PTPRZ1: variants seen among roughly 807,000 people sequenced by gnomAD.
PTPRZ1 encodes the protein receptor-type tyrosine-protein phosphatase zeta.
PTPRZ1 carries 82 observed loss-of-function variants against 214.1 expected under a neutral mutation model. That is an observed-to-expected ratio of 0.38 (90% CI 0.32 to 0.46). The LOEUF is 0.46. Among genes scored for constraint, PTPRZ1 ranks in the 20% least tolerant of loss-of-function variants. PTPRZ1 has a pLI of 1.00. For missense variants in PTPRZ1, 2,603 were observed against 2,748.7 expected, an observed-to-expected ratio of 0.95 and a Z score of 1.19; for synonymous variants, 945 against 987.9, an observed-to-expected ratio of 0.96 and a Z score of 0.81.
intron 1 of PTPRZ1, among the ~76,000 whole-genome samples, chr7:121,885,296 G>A (rs568397828): frequency 2.6e-5 from 4 of 152,226 alleles, no homozygotes; most frequent in East Asian, 3.9e-4. Flanking sequence ...GCTATTTTGC[G>A]ACAAAGGTAA....
Position 121,929,519 on chromosome 7 carries a change from A to T in PTPRZ1, c.124+1298A>T, listed in dbSNP as rs1334243402. 4.4e-5 allele frequency among the ~76,000 whole-genome samples: 6 copies of T among 137,790 alleles called. No homozygotes were observed. In the South Asian group the frequency reaches 1.4e-3, roughly 33 times the overall value. 90.4% of individuals were successfully genotyped at this position (137,790 alleles called of 152,430 possible). A position where few individuals can be genotyped will look rare whatever the true frequency, so the allele number is the denominator to read the frequency against. ...ACCGAGTAGGAAAAAAAAAAAAAAA[A>T]CTTTCAAGCCAGGTGTGGTGGCTCA... On this transcript the variant is annotated intron_variant, in intron 2 of 29. Transcript: ENST00000393386.
chr7:122,058,973 C>G (rs1371333721), intron 28 of PTPRZ1, 31 bp downstream of exon 28: 1 of 1,530,802 alleles, frequency 6.5e-7, no homozygotes, highest in East Asian at 2.3e-5. Flanking sequence ...GGTTTCACAC[C>G]TGCACATTTT....
At chr7:121,946,101 T>C (rs1004796820) in intron 2 of PTPRZ1, among the ~76,000 whole-genome samples, 1 of 152,192 alleles carries the variant, frequency 6.6e-6, no homozygotes, top group African/African-American at 2.4e-5. Flanking sequence ...GTACTCATGC[T>C]CTGATCTGAG....
rs146192874 is a variant in PTPRZ1 at position 122,040,847 on chromosome 7, T to G, written c.5669T>G (p.Val1890Gly). The change falls in exon 21 of 30, where the codon GTG becomes GGG. Residue 1890 changes from valine (V) to glycine (G), a missense_variant. Physicochemically the swap from Val to Gly is moderately radical, Grantham distance 109. Transcript: ENST00000393386. ...CAGAAAGGAAGACCCAGTGGACGTG[T>G]GGTCACACAGTATCACTACACGCAG... The part of the protein sequence containing the change: ...GSQKGRPSGR[V>G]VTQYHYTQWP... 3.2e-6 allele frequency: 5 copies of G among 1,586,408 alleles called. No individual in the cohort carries two copies. The highest frequency in any genetic ancestry group is 4.3e-6 in the Non-Finnish European group (5 of 1,161,942).
chr7:122,042,813 A>G lies in PTPRZ1; in HGVS notation c.5937+70A>G, dbSNP rs548474986. On this transcript the variant is annotated intron_variant, in intron 22 of 29. Coordinates refer to ENST00000393386, the MANE Select transcript of PTPRZ1 (RefSeq NM_002851.3). Reference sequence around the variant, plus strand: ...ATGTCACTAAAATGTAGGTGTATTCATCTCCTAGGACTGCAAAACAAAGTA... The same window carrying G: ...ATGTCACTAAAATGTAGGTGTATTCGTCTCCTAGGACTGCAAAACAAAGTA... The G allele has an allele frequency of 1.7e-5, 25 of 1,496,184 alleles. No homozygotes were observed. The East Asian group carries it at 4.5e-4, about 27-fold the overall frequency. The allele number at this position is 1,496,184 out of a possible 1,614,324, so 92.7% of individuals were successfully genotyped here. A position where few individuals can be genotyped will look rare whatever the true frequency, so the allele number is the denominator to read the frequency against.
Position 122,011,015 on chromosome 7 carries a change from T to A in PTPRZ1, c.1969T>A (p.Ser657Thr), listed in dbSNP as rs1264398176. Residue 657 changes from serine (S) to threonine (T), a missense_variant, in exon 12 of 30, where the codon TCT becomes ACT. By Grantham distance (58) the Ser-to-Thr change is moderately conservative. Transcript: ENST00000393386. The stretch of plus-strand genomic sequence containing the variant: ...GGAGGGAAATGTGTGGTTTCCTAGC[T>A]CTACAGACATAACAGCACAGCCCGA... Reference protein sequence around the residue: ...SMEGNVWFPSSTDITAQPDVG... With the variant: ...SMEGNVWFPSTTDITAQPDVG... 6.2e-7 allele frequency: 1 copy of A among 1,614,118 alleles called. No individual in the cohort carries two copies. Among genetic ancestry groups the A allele is most frequent in the Admixed American group, 1.7e-5 (1 of 60,004 alleles).
At chr7:121,969,494 G>A (rs1023297268) in intron 3 of PTPRZ1, among the ~76,000 whole-genome samples, 3 of 150,732 alleles carry the variant, frequency 2.0e-5, no homozygotes, top group Admixed American at 6.6e-5. Context: ...CCCAGGAGTC[G>A]GAGGTTGAGT....
At chr7:121,980,404 T>C (rs1797569199) in intron 6 of PTPRZ1, among the ~76,000 whole-genome samples, 1 of 152,286 alleles carries the variant, frequency 6.6e-6, no homozygotes, top group South Asian at 2.1e-4. Flanking sequence ...TAAAAAAAAA[T>C]ATTCTTCTTA....
In PTPRZ1 at chr7:122,010,444, C is replaced by G; in HGVS notation, c.1398C>G (p.His466Gln). 6.2e-7 allele frequency: 1 copy of G among 1,614,028 alleles called. No homozygotes were observed. The highest frequency in any genetic ancestry group is 8.5e-7 in the Non-Finnish European group (1 of 1,179,946). Reference sequence around the variant, plus strand: ...AACCCCAGATTTCTACCACAACACACTACAATCGCATAGGGACGAAATACA... The same window carrying G: ...AACCCCAGATTTCTACCACAACACAGTACAATCGCATAGGGACGAAATACA... ...KKEPQISTTTHYNRIGTKYNE... is the reference protein window; with the variant it reads ...KKEPQISTTTQYNRIGTKYNE... The change falls in exon 12 of 30, where the codon CAC (histidine) becomes CAG (glutamine). Residue 466 changes from histidine to glutamine, a missense_variant. By Grantham distance (24) the His-to-Gln change is conservative. Transcript: ENST00000393386.
At chr7:121,907,174 T>A (rs1215734738) in intron 1 of PTPRZ1, among the ~76,000 whole-genome samples, 1 of 152,126 alleles carries the variant, frequency 6.6e-6, no homozygotes. Flanking sequence ...TGCTTACAAA[T>A]ATCACATTAA....
intron 3 of PTPRZ1, among the ~76,000 whole-genome samples, chr7:121,968,789 A>G (rs1797123781): frequency 6.6e-6 from 1 of 152,116 alleles, no homozygotes; most frequent in East Asian, 1.9e-4. Context: ...GAAATTATGT[A>G]AAGGCAAATA....
At chr7:122,041,830 G>T (rs1799741604) in intron 21 of PTPRZ1, among the ~76,000 whole-genome samples, 1 of 152,136 alleles carries the variant, frequency 6.6e-6, no homozygotes, top group African/African-American at 2.4e-5. Flanking sequence ...GACCCATCTT[G>T]AGGCTTTTTA....
intron 10 of PTPRZ1, among the ~76,000 whole-genome samples, chr7:122,001,313 ATATT>A (rs1213811180): frequency 2.0e-5 from 3 of 152,214 alleles, no homozygotes; most frequent in East Asian, 1.9e-4. Context: ...TTTCATAAAT[ATATT>A]TATCTTATTG....
chr7:121,989,986 T>C (rs1351810734), intron 8 of PTPRZ1, among the ~76,000 whole-genome samples: 4 of 152,016 alleles, frequency 2.6e-5, no homozygotes, highest in Non-Finnish European at 1.5e-5. Context: ...TGTTTACTGA[T>C]TTTTTTTACT....
chr7:121,984,898 A>G (rs1218454414), intron 8 of PTPRZ1, among the ~76,000 whole-genome samples: 4 of 152,196 alleles, frequency 2.6e-5, no homozygotes, highest in Non-Finnish European at 5.9e-5. Flanking sequence ...TCACTTGTTC[A>G]TTAAAGAAGT....
At chr7:121,936,183 C>G (rs930225930) in intron 2 of PTPRZ1, among the ~76,000 whole-genome samples, 6 of 151,800 alleles carry the variant, frequency 4.0e-5, no homozygotes, top group African/African-American at 1.5e-4. Flanking sequence ...TTTCAAGGAG[C>G]AAAAAGATAA....
chr7:121,967,578 C>A (rs1237819362), intron 2 of PTPRZ1, among the ~76,000 whole-genome samples: 2 of 152,112 alleles, frequency 1.3e-5, no homozygotes, highest in Non-Finnish European at 2.9e-5. Context: ...CTGGACAAAG[C>A]CATTGCTGAA....
chr7:122,039,666 A>G lies in PTPRZ1; in HGVS notation c.5637+78A>G. ...TTTTAAGTGAATAAGCGATAGAACC[A>G]AGAAAGGGTAAAAAGCATATAACTA... On this transcript the variant is annotated intron_variant, in intron 20 of 29. Transcript: ENST00000393386. 2.0e-6 allele frequency: 3 copies of G among 1,521,050 alleles called. No individual in the cohort carries two copies. In the Middle Eastern group the frequency reaches 5.8e-4, roughly 295 times the overall value. The allele number at this position is 1,521,050 out of a possible 1,614,324, so 94.2% of individuals were successfully genotyped here.
chr7:122,047,535 C>T (rs1193544146), intron 23 of PTPRZ1, among the ~76,000 whole-genome samples: 1 of 151,978 alleles, frequency 6.6e-6, no homozygotes, highest in Admixed American at 6.6e-5. Context: ...CAGTAGTACA[C>T]ATATAGGCTC....
Sources: allele counts gnomAD v4.1 joint callset (sites outside exome capture counted in the v4.1 genomes callset), GRCh38; gene constraint gnomAD v4.1.1; transcripts MANE v1.5; gene names NCBI Gene and HGNC (gene_info 2026-07-23, HGNC 2026-07-21).